The following CASK variants were observed in gnomAD, a reference collection of about 807,000 sequenced individuals.
CASK encodes the protein calcium/calmodulin dependent serine protein kinase, also known as peripheral plasma membrane protein CASK.
Under a neutral mutation model 82.9 loss-of-function variants are expected in CASK, and 4 were observed. The observed-to-expected ratio is 0.05, with a 90% CI of 0.02 to 0.11. The LOEUF (loss-of-function observed/expected upper bound fraction) is 0.11. Among genes scored for constraint, CASK ranks in the 10% least tolerant of loss-of-function variants. The pLI, the probability that CASK is intolerant of heterozygous loss-of-function variation, is 1.00. For synonymous variants in CASK, 259 were observed against 253.5 expected (o/e 1.02, Z -0.20); for missense variants, 358 against 720.9 (o/e 0.50, Z 5.76).
chrX:41,586,535 T>C (rs192786329), intron 14 of CASK: 1 of 129,497 alleles, frequency 7.7e-6, no homozygotes, highest in Admixed American at 8.2e-5. Flanking sequence ...AGAGATGTAA[T>C]TCTTCCAATA....
intron 12 of CASK, among the ~76,000 whole-genome samples, chrX:41,591,482 G>GT (rs373604467): frequency 0.018 from 1,878 of 103,800 alleles, 37 homozygotes; most frequent in African/African-American, 0.062. Flanking sequence ...TGTGCACTTT[G>GT]TTTTTTTTTT....
intron 1 of CASK, among the ~76,000 whole-genome samples, chrX:41,895,501 A>T (rs1298872584): frequency 1.8e-5 from 2 of 111,744 alleles, no homozygotes; most frequent in Non-Finnish European, 3.8e-5. Context: ...AAGTCCAAGA[A>T]AAAGAGAAGG....
At chrX:41,745,644 C>T (rs1477313842) in intron 3 of CASK, 43 bp from the exon 4 acceptor site, 1 of 908,555 alleles carries the variant, frequency 1.1e-6, no homozygotes, top group South Asian at 2.0e-5. Flanking sequence ...AGAGGAAATT[C>T]CAGGAAGACA....
intron 16 of CASK, among the ~76,000 whole-genome samples, chrX:41,569,095 C>A (rs952847142): frequency 8.9e-6 from 1 of 112,148 alleles, no homozygotes; most frequent in African/African-American, 3.2e-5. Context: ...ATTTAATCAT[C>A]GATTTGACAT....
intron 4 of CASK, among the ~76,000 whole-genome samples, chrX:41,744,431 C>G (rs186188917): frequency 9.1e-6 from 1 of 109,408 alleles, no homozygotes. Flanking sequence ...ATGCAAGCTC[C>G]GCCTCCCGGG....
chrX:41,838,997 T>A (rs1320679369), intron 2 of CASK, among the ~76,000 whole-genome samples: 2 of 111,402 alleles, frequency 1.8e-5, no homozygotes, highest in Non-Finnish European at 3.8e-5. Flanking sequence ...TCTAATCTGT[T>A]CCATCAAGCT....
At chrX:41,916,513 A>G (rs745713153) in intron 1 of CASK, among the ~76,000 whole-genome samples, 1 of 111,817 alleles carries the variant, frequency 8.9e-6, no homozygotes, top group Admixed American at 9.5e-5. Context: ...AAATAAAACC[A>G]AAAAATGTGA....
intron 8 of CASK, among the ~76,000 whole-genome samples, chrX:41,655,550 T>TA (rs2066925221): frequency 9.0e-6 from 1 of 111,575 alleles, no homozygotes. Context: ...AGTTCCATAA[T>TA]AAAATGGAAA....
chrX:41,590,707 G>A (rs189047396), intron 12 of CASK, among the ~76,000 whole-genome samples: 1 of 110,211 alleles, frequency 9.1e-6, no homozygotes, highest in Admixed American at 9.7e-5. Context: ...AGTTAAAGAT[G>A]ACCTCGGCTG....
At chrX:41,555,579 C>T (rs2065150057) in intron 20 of CASK, 21 bp downstream of exon 20, 1 of 1,166,825 alleles carries the variant, frequency 8.6e-7, no homozygotes, top group Non-Finnish European at 1.2e-6. Flanking sequence ...AGAGAAGTTT[C>T]TATAGAGGAT....
chrX:41,901,501 AAAGAAG>A (rs1286978796), intron 1 of CASK, among the ~76,000 whole-genome samples: 2 of 109,986 alleles, frequency 1.8e-5, no homozygotes, highest in Non-Finnish European at 3.8e-5. Flanking sequence ...AAAAAAAAAA[AAAGAAG>A]AAGAAGTAGG....
chrX:41,820,876 A>T (rs2070522049), intron 2 of CASK, among the ~76,000 whole-genome samples: 1 of 111,501 alleles, frequency 9.0e-6, no homozygotes, highest in African/African-American at 3.2e-5. Context: ...TTATTTCAAC[A>T]AATAGTGCTG....
intron 1 of CASK, among the ~76,000 whole-genome samples, chrX:41,903,999 A>C (rs868336659): frequency 8.9e-6 from 1 of 111,864 alleles, no homozygotes; most frequent in Admixed American, 9.5e-5. Context: ...TAAAATTTTC[A>C]TAACCTCAGA....
At chrX:41,641,883 T>A (rs1278243822) in intron 8 of CASK, among the ~76,000 whole-genome samples, 1 of 106,682 alleles carries the variant, frequency 9.4e-6, no homozygotes, top group Non-Finnish European at 1.9e-5. Context: ...CTCCTAATGC[T>A]ATCCCTCTCC....
intron 12 of CASK, 34 bp downstream of exon 12, chrX:41,609,870 C>T: frequency 8.3e-7 from 1 of 1,203,707 alleles, no homozygotes; most frequent in Non-Finnish European, 1.1e-6. Context: ...ATTCAATTCA[C>T]CAAAAAAGAA....
At chrX:41,728,082 G>A in intron 5 of CASK, 3 of 699,385 alleles carry the variant, frequency 4.3e-6, no homozygotes, top group Non-Finnish European at 6.2e-6. Context: ...GCATTCATGT[G>A]ACTTTATTAG....
At chrX:41,660,306 A>C (rs1278927965) in intron 8 of CASK, 133 bp downstream of exon 8, 7 of 545,563 alleles carry the variant, frequency 1.3e-5, no homozygotes, top group Non-Finnish European at 2.2e-5. Context: ...AACAGCAAAC[A>C]AGATGAAAAA....
At chrX:41,581,164 A>G (rs965460301) in intron 14 of CASK, among the ~76,000 whole-genome samples, 2 of 111,290 alleles carry the variant, frequency 1.8e-5, no homozygotes, top group African/African-American at 6.5e-5. Flanking sequence ...GGACTGTTTG[A>G]GCTCAGGAGT....
At chrX:41,812,551 T>C (rs1430194347) in intron 2 of CASK, among the ~76,000 whole-genome samples, 2 of 111,562 alleles carry the variant, frequency 1.8e-5, no homozygotes, top group East Asian at 2.8e-4. Flanking sequence ...CCCTTCATGC[T>C]AAAAACTCTC....
Sources: allele counts gnomAD v4.1 joint callset (sites outside exome capture counted in the v4.1 genomes callset), GRCh38; gene constraint gnomAD v4.1.1; transcripts MANE v1.5; gene names NCBI Gene and HGNC (gene_info 2026-07-23, HGNC 2026-07-21).